TSEN54: variants seen among roughly 807,000 people sequenced by gnomAD.
TSEN54 encodes the protein tRNA splicing endonuclease subunit 54.
TSEN54 carries 55 observed loss-of-function variants against 61.9 expected under a neutral mutation model. The observed-to-expected ratio is 0.89, with a 90% CI of 0.72 to 1.11. The LOEUF is 1.11. Among genes scored for constraint, TSEN54 ranks in the 50% most tolerant of loss-of-function variants. The probability of loss-of-function intolerance (pLI) is 0.00; values close to 1 mark genes in which losing one functional copy is unlikely to be tolerated. For missense variants in TSEN54, 760 were observed against 687.7 expected (o/e 1.11, Z -1.18); for synonymous variants, 304 against 288.7 (o/e 1.05, Z -0.54).
chr17:75,522,558 A>G lies in TSEN54; in HGVS notation c.1252+225A>G. 3 of 1,423,472 alleles carry G rather than the reference A, an allele frequency of 2.1e-6. 1 individual carries two copies. In the South Asian group the frequency reaches 4.5e-5, roughly 21 times the overall value. 88.2% of individuals were successfully genotyped at this position (1,423,472 alleles called of 1,614,324 possible). ...GAGGTAAGGAGGGGTGGAAACTATG[A>G]CCATATCCTTAAAAAGATAAACAAC... is the stretch of plus-strand genomic sequence containing the variant. On this transcript the variant is annotated intron_variant, in intron 8 of 10. Transcript: ENST00000333213.
At position 75,522,066 on chromosome 17, in the gene TSEN54, G is replaced by A; in HGVS notation, c.985G>A (p.Gly329Arg). The change falls in exon 8 of 11, where the codon GGG becomes AGG. Residue 329 changes from glycine to arginine, a missense_variant. This residue lies in a region of TSEN54 where 667 missense variants were observed against 577.8 expected (regional missense o/e 1.15). Coordinates refer to ENST00000333213, the MANE Select transcript of TSEN54 (RefSeq NM_207346.3). ...AGAGCTGCTCCCGGCCAACGTGGCTGGGCGGGAGACAGACGCTGAGTCCTG... is the reference window on the plus strand; with the variant it reads ...AGAGCTGCTCCCGGCCAACGTGGCTAGGCGGGAGACAGACGCTGAGTCCTG... ...APELLPANVA[G>R]RETDAESWCQ... 1.9e-6 allele frequency: 3 copies of A among 1,588,318 alleles called. No individual in the cohort carries two copies. The highest frequency in any genetic ancestry group is 2.6e-6 in the Non-Finnish European group (3 of 1,167,934).
chr17:75,520,864 G>A (rs2053420037), intron 6 of TSEN54, among the ~76,000 whole-genome samples: 1 of 151,566 alleles, frequency 6.6e-6, no homozygotes, highest in East Asian at 1.9e-4. Flanking sequence ...GCTGAGGCAG[G>A]AGAATCGCTT....
Position 75,516,588 on chromosome 17 carries a change from G to A in TSEN54, c.28G>A (p.Val10Met), listed in dbSNP as rs1459070573. The change falls in exon 1 of 11, where the codon GTG (valine) becomes ATG (methionine). Residue 10 changes from valine (V) to methionine (M), a missense_variant. Val to Met is a conservative substitution (Grantham distance 21). This residue lies in a region of TSEN54 where 667 missense variants were observed against 577.8 expected (regional missense o/e 1.15). Coordinates refer to ENST00000333213, the MANE Select transcript of TSEN54 (RefSeq NM_207346.3). MEPEPEPAA[V>M]EVPAGRVLSA... is the part of the protein sequence containing the mutation. Reference sequence around the variant, plus strand: ...GGAGCCCGAGCCCGAGCCCGCGGCCGTGGAGGTTCCCGCGGGGCGCGTGCT... The same window carrying A: ...GGAGCCCGAGCCCGAGCCCGCGGCCATGGAGGTTCCCGCGGGGCGCGTGCT... 8.6e-7 allele frequency: 1 copy of A among 1,163,108 alleles called. No homozygotes were observed. Among genetic ancestry groups the A allele is most frequent in the Non-Finnish European group, 1.1e-6 (1 of 945,216 alleles). The allele number at this position is 1,163,108 out of a possible 1,614,324, so 72.0% of individuals were successfully genotyped here. A position where few individuals can be genotyped will look rare whatever the true frequency, so the allele number is the denominator to read the frequency against.
rs1236945408 is a variant in TSEN54 at position 75,521,515 on chromosome 17, C to T, written c.623+5C>T. 1 of 1,613,740 alleles carries T rather than the reference C, an allele frequency of 6.2e-7. No individual in the cohort carries two copies. The highest frequency in any genetic ancestry group is 8.5e-7 in the Non-Finnish European group (1 of 1,179,726). On this transcript the variant is annotated splice_donor_5th_base_variant and intron_variant, in intron 7 of 10. Coordinates refer to ENST00000333213, the MANE Select transcript of TSEN54 (RefSeq NM_207346.3). Reference sequence around the variant, plus strand: ...GAGGAGCAGCTCCAGCCCTCGGTAACTCCCACATCACGGTGGCCCCCCAGG... The same window carrying T: ...GAGGAGCAGCTCCAGCCCTCGGTAATTCCCACATCACGGTGGCCCCCCAGG...
intron 10 of TSEN54, among the ~76,000 whole-genome samples, 157 bp downstream of exon 10, chr17:75,523,936 G>A (rs1250202673): frequency 1.3e-5 from 2 of 152,220 alleles, no homozygotes; most frequent in Non-Finnish European, 2.9e-5. Context: ...CACACAGCCA[G>A]TTTGTGCTGC....
chr17:75,521,254 A>AC, intron 6 of TSEN54, 155 bp from the exon 7 acceptor site: 1 of 695,080 alleles, frequency 1.4e-6, no homozygotes, highest in Admixed American at 2.0e-5. Flanking sequence ...CTGGGCCTGT[A>AC]CCCCTCATGG....
chr17:75,523,808 C>T (rs938471217), intron 10 of TSEN54, 29 bp downstream of exon 10: 17 of 1,608,964 alleles, frequency 1.1e-5, no homozygotes, highest in Non-Finnish European at 1.4e-5. Flanking sequence ...CTGCCCCTCC[C>T]CCAGCTGCTG....
At chr17:75,520,843 C>G (rs751077751) in intron 6 of TSEN54, among the ~76,000 whole-genome samples, 3 of 151,500 alleles carry the variant, frequency 2.0e-5, no homozygotes, top group Non-Finnish European at 4.4e-5. Flanking sequence ...AGTCCCGGTA[C>G]TACTCGGGAT....
intron 5 of TSEN54, chr17:75,518,732 G>C: frequency 5.1e-6 from 5 of 985,330 alleles, no homozygotes; most frequent in Non-Finnish European, 6.0e-6. Flanking sequence ...TGGTTTTCTG[G>C]TTTCATGGCT....
chr17:75,522,539 A>C, intron 8 of TSEN54: 1 of 1,443,924 alleles, frequency 6.9e-7, no homozygotes, highest in Non-Finnish European at 9.1e-7. Context: ...AGGAGAGGTA[A>C]GGAGGGGTGG....
chr17:75,521,816 C>T lies in TSEN54; in HGVS notation c.735C>T (p.Pro245=), dbSNP rs768278898. 8.7e-6 allele frequency: 14 copies of T among 1,613,032 alleles called. No individual in the cohort carries two copies. Among genetic ancestry groups the T allele is most frequent in the South Asian group, 2.2e-5 (2 of 91,082 alleles). Residue 245 remains proline, a synonymous_variant, in exon 8 of 11, where the codon CCC becomes CCT. Transcript: ENST00000333213. ...SQPSQCPEEK[P]QESSPMKGPG... ...CCAGCCAATGCCCAGAGGAGAAACC[C>T]CAGGAGTCAAGCCCCATGAAGGGCC...
At chr17:75,523,869 G>T (rs1449379248) in intron 10 of TSEN54, 90 bp downstream of exon 10, 1 of 1,428,240 alleles carries the variant, frequency 7.0e-7, no homozygotes, top group East Asian at 2.4e-5. Flanking sequence ...CCTGGCCAGC[G>T]TGCCAATCTC....
At position 75,522,755 on chromosome 17, in the gene TSEN54, C is replaced by A. The variant is rs1457360406; in HGVS notation, c.1252+422C>A. Reference sequence around the variant, plus strand: ...TTAACGGATTCCAAATTACTTAAAGCCTTTATGGGAACACGGTAGATTGTA... The same window carrying A: ...TTAACGGATTCCAAATTACTTAAAGACTTTATGGGAACACGGTAGATTGTA... On this transcript the variant is annotated intron_variant, in intron 8 of 10. Coordinates refer to ENST00000333213, the MANE Select transcript of TSEN54 (RefSeq NM_207346.3). The A allele has an allele frequency of 1.0e-5, 3 of 300,008 alleles. 1 individual carries two copies. The highest frequency in any genetic ancestry group is 1.9e-5 in the Non-Finnish European group (3 of 160,190). 18.6% of individuals were successfully genotyped at this position (300,008 alleles called of 1,614,324 possible). A position where few individuals can be genotyped will look rare whatever the true frequency, so the allele number is the denominator to read the frequency against.
chr17:75,523,466 A>G (rs2053453776), intron 9 of TSEN54, 131 bp downstream of exon 9: 2 of 1,599,082 alleles, frequency 1.3e-6, no homozygotes, highest in Non-Finnish European at 1.7e-6. Context: ...CCTAGCTCTG[A>G]GCAATAACTA....
rs865809887 is a variant in TSEN54, at chr17:75,522,806, A to C, written c.1253-469A>C. 2.6e-5 allele frequency: 7 copies of C among 269,254 alleles called. No homozygotes were observed. The South Asian group carries it at 3.1e-4, about 12-fold the overall frequency. The allele number at this position is 269,254 out of a possible 1,614,324, so 16.7% of individuals were successfully genotyped here. ...GGTAACTAGATAGGGTTGCCAGATC[A>C]GTTTGATTTGACTTTCAGTATAATT... On this transcript the variant is annotated intron_variant, in intron 8 of 10. Coordinates refer to ENST00000333213, the MANE Select transcript of TSEN54 (RefSeq NM_207346.3).
chr17:75,517,057 G>T lies in TSEN54; in HGVS notation c.270G>T (p.Glu90Asp). 6.3e-7 allele frequency: 1 copy of T among 1,597,258 alleles called. No homozygotes were observed. Among genetic ancestry groups the T allele is most frequent in the Non-Finnish European group, 8.5e-7 (1 of 1,172,704 alleles). The change falls in exon 3 of 11, where the codon GAG becomes GAT. Residue 90 changes from glutamate to aspartate, a missense_variant. This residue lies in a region of TSEN54 where 667 missense variants were observed against 577.8 expected (regional missense o/e 1.15). Coordinates refer to ENST00000333213, the MANE Select transcript of TSEN54 (RefSeq NM_207346.3). ...AEWRPEEGFV[E>D]LKSPAGKFWQ... ...GGAGGCCAGAAGAGGGCTTCGTGGA[G>T]TTGAAGTCTCCCGCGGTGAGCGGCG... is the stretch of plus-strand genomic sequence containing the variant.
chr17:75,517,505 CTG>C, intron 4 of TSEN54, 50 bp from the exon 5 acceptor site: 1 of 1,513,336 alleles, frequency 6.6e-7, no homozygotes, highest in Non-Finnish European at 9.2e-7. Context: ...CCCCATTCCT[CTG>C]TGGCACTGTA....
Position 75,520,585 on chromosome 17 carries a change from C to CAAAA in TSEN54, c.522-817_522-814dup, listed in dbSNP as rs200508248. Among the ~76,000 whole-genome samples the CAAAA allele has an allele frequency of 7.6e-4, 100 of 131,764 alleles. 2 individuals carry two copies. Among genetic ancestry groups the CAAAA allele is most frequent in the African/African-American group, 2.9e-3 (97 of 33,966 alleles). The allele number at this position is 131,764 out of a possible 152,430, so 86.4% of individuals were successfully genotyped here. A position where few individuals can be genotyped will look rare whatever the true frequency, so the allele number is the denominator to read the frequency against. The stretch of plus-strand genomic sequence containing the variant: ...TGGGCGAAAAAGCGAAACTCTATCT[C>CAAAA]AAAAAAAAAAGCAAACTTAAATAGC... On this transcript the variant is annotated intron_variant, in intron 6 of 10. Coordinates refer to ENST00000333213, the MANE Select transcript of TSEN54 (RefSeq NM_207346.3).
At chr17:75,522,598 C>G in intron 8 of TSEN54, 1 of 1,337,426 alleles carries the variant, frequency 7.5e-7, no homozygotes. Context: ...ATGTGGATGG[C>G]TTTGCCACCA....
Sources: gnomAD v4.1 joint callset for allele counts (sites outside exome capture counted in the v4.1 genomes callset) on GRCh38, gnomAD v4.1.1 for gene constraint, gnomAD v4.1.1 regional missense constraint, MANE v1.5 for transcripts, NCBI Gene and HGNC (gene_info 2026-07-23, HGNC 2026-07-21) for gene names.